Variants in STK32B observed in about 807,000 individuals in gnomAD.
STK32B encodes serine/threonine kinase 32B.
Under a neutral mutation model 52.6 loss-of-function variants are expected in STK32B, and 43 were observed. The ratio of observed to expected loss-of-function variants is 0.82; its 90% CI spans 0.64 to 1.05. The LOEUF is 1.05. Ranked by LOEUF, STK32B falls within the 50% of genes least tolerant of loss-of-function variation. The probability of loss-of-function intolerance (pLI) is 0.00; values close to 1 mark genes in which losing one functional copy is unlikely to be tolerated. For missense variants in STK32B, 621 were observed against 534.6 expected (o/e 1.16, Z -1.59); for synonymous variants, 238 against 204.3 (o/e 1.17, Z -1.41).
chr4:5,021,539 T>C, the STK32B span, among the ~76,000 whole-genome samples: 1 of 152,134 alleles, frequency 6.6e-6, no homozygotes, highest in Non-Finnish European at 1.5e-5. Context: ...GGCTTCTGGA[T>C]GTGCTCAAGG....
chr4:5,462,391 T>C (rs1196286071), intron 9 of STK32B, among the ~76,000 whole-genome samples: 1 of 148,824 alleles, frequency 6.7e-6, no homozygotes, highest in Non-Finnish European at 1.5e-5. Flanking sequence ...TGCATCTGTG[T>C]GTGTGTGTGC....
chr4:5,305,222 T>G (rs1379558955), intron 3 of STK32B, among the ~76,000 whole-genome samples: 1 of 152,124 alleles, frequency 6.6e-6, no homozygotes, highest in Non-Finnish European at 1.5e-5. Flanking sequence ...TGGGGAAGAT[T>G]GCCTCTTTCT....
At chr4:5,496,663 A>T (rs956946446) in intron 11 of STK32B, among the ~76,000 whole-genome samples, 1 of 152,172 alleles carries the variant, frequency 6.6e-6, no homozygotes, top group Admixed American at 6.5e-5. Flanking sequence ...TGGGAGCTGT[A>T]GACCGGAGCT....
chr4:5,349,190 A>G (rs1258406755), intron 4 of STK32B, among the ~76,000 whole-genome samples: 1 of 152,180 alleles, frequency 6.6e-6, no homozygotes, highest in African/African-American at 2.4e-5. Context: ...CCTGCCTGGA[A>G]CAAATAAAGC....
intron 4 of STK32B, among the ~76,000 whole-genome samples, chr4:5,359,644 A>G (rs1734418015): frequency 1.3e-5 from 2 of 152,230 alleles, no homozygotes; most frequent in South Asian, 4.1e-4. Context: ...TTGCTGCTGT[A>G]TTACAGAGAC....
chr4:5,448,101 G>T (rs1715635213), intron 7 of STK32B, among the ~76,000 whole-genome samples: 1 of 152,194 alleles, frequency 6.6e-6, no homozygotes, highest in Non-Finnish European at 1.5e-5. Context: ...CATGAACGCT[G>T]TGAGTGCAAA....
intron 1 of STK32B, among the ~76,000 whole-genome samples, chr4:5,074,390 A>G (rs1056641710): frequency 1.3e-5 from 2 of 151,924 alleles, no homozygotes; most frequent in African/African-American, 2.4e-5. Context: ...CAAATTTTCT[A>G]TATTTCTGCT....
intron 1 of STK32B, among the ~76,000 whole-genome samples, chr4:5,121,710 C>T (rs1577081720): frequency 6.6e-6 from 1 of 152,130 alleles, no homozygotes; most frequent in Non-Finnish European, 1.5e-5. Context: ...GAAATGGAAA[C>T]AAAGCCTCAG....
At chr4:5,239,856 T>C (rs1056775367) in intron 3 of STK32B, among the ~76,000 whole-genome samples, 2 of 152,086 alleles carry the variant, frequency 1.3e-5, no homozygotes, top group East Asian at 1.9e-4. Flanking sequence ...CCCAGTAATA[T>C]GAACTACTTG....
chr4:5,073,523 G>A (rs1322832012), intron 1 of STK32B, among the ~76,000 whole-genome samples: 3 of 151,714 alleles, frequency 2.0e-5, no homozygotes, highest in Non-Finnish European at 4.4e-5. Context: ...TTTTCTTTAA[G>A]AAAAGAAAAA....
At chr4:5,298,100 T>G (rs1729321330) in intron 3 of STK32B, among the ~76,000 whole-genome samples, 1 of 152,186 alleles carries the variant, frequency 6.6e-6, no homozygotes, top group African/African-American at 2.4e-5. Flanking sequence ...TTTGCCTGGG[T>G]ATCACCAGCG....
intron 6 of STK32B, among the ~76,000 whole-genome samples, chr4:5,422,128 T>C (rs566964260): frequency 4.6e-5 from 7 of 152,356 alleles, no homozygotes; most frequent in African/African-American, 1.7e-4. Context: ...TGGCCAAATG[T>C]ACAGAAGAGA....
At chr4:5,305,586 C>T (rs1729873350) in intron 3 of STK32B, among the ~76,000 whole-genome samples, 1 of 151,994 alleles carries the variant, frequency 6.6e-6, no homozygotes, top group Non-Finnish European at 1.5e-5. Flanking sequence ...ATTTGGATCT[C>T]TTTTCTTTTC....
chr4:5,238,047 T>C (rs1380452231), intron 3 of STK32B, among the ~76,000 whole-genome samples: 1 of 152,158 alleles, frequency 6.6e-6, no homozygotes, highest in African/African-American at 2.4e-5. Context: ...ACGCTCACAT[T>C]CTATGATTGT....
intron 3 of STK32B, among the ~76,000 whole-genome samples, chr4:5,313,425 T>C (rs556364707): frequency 1.8e-4 from 27 of 151,990 alleles, no homozygotes; most frequent in African/African-American, 6.3e-4. Flanking sequence ...ACAGACTGAA[T>C]GCTTTCTCCC....
At chr4:5,314,274 A>G (rs72616111) in intron 3 of STK32B, among the ~76,000 whole-genome samples, 17,683 of 152,136 alleles carry the variant, frequency 0.12, 2,583 homozygotes, top group African/African-American at 0.35. Flanking sequence ...GCAAAGTTTC[A>G]AAAGCAATAT....
chr4:5,475,571 C>T (rs1009776622), intron 11 of STK32B, among the ~76,000 whole-genome samples: 4 of 149,024 alleles, frequency 2.7e-5, no homozygotes, highest in Non-Finnish European at 4.4e-5. Flanking sequence ...TGGTGGTGCA[C>T]GCCTGTAGTT....
intron 1 of STK32B, among the ~76,000 whole-genome samples, chr4:5,119,941 T>TCC (rs1216298657): frequency 6.6e-6 from 1 of 152,236 alleles, no homozygotes; most frequent in Non-Finnish European, 1.5e-5. Context: ...AGTACATTAG[T>TCC]CCCCCTTATC....
intron 3 of STK32B, among the ~76,000 whole-genome samples, chr4:5,179,567 T>C (rs1167852379): frequency 1.3e-5 from 2 of 152,104 alleles, no homozygotes; most frequent in Non-Finnish European, 2.9e-5. Flanking sequence ...TAGATATAGA[T>C]GATAGATGAT....
Sources: gnomAD v4.1 joint callset for allele counts (sites outside exome capture counted in the v4.1 genomes callset) on GRCh38, gnomAD v4.1.1 for gene constraint, MANE v1.5 for transcripts, NCBI Gene and HGNC (gene_info 2026-07-23, HGNC 2026-07-21) for gene names.